TACR3: variants seen among roughly 807,000 people sequenced by gnomAD.
The protein encoded by TACR3 is neuromedin-K receptor.
In TACR3, 34 loss-of-function variants were observed where a neutral mutation model predicts 35.0. That is an observed-to-expected ratio of 0.97 (90% CI 0.74 to 1.30). TACR3 has a LOEUF of 1.30. Among genes scored for constraint, TACR3 ranks in the 50% most tolerant of loss-of-function variants. The pLI is 0.00. For synonymous variants in TACR3, 233 were observed against 221.1 expected, an observed-to-expected ratio of 1.05 and a Z score of -0.48; for missense variants, 558 against 591.7, an observed-to-expected ratio of 0.94 and a Z score of 0.59.
At chr4:103,628,250 G>GCAAA (rs552117826) in intron 3 of TACR3, among the ~76,000 whole-genome samples, 39 of 151,958 alleles carry the variant, frequency 2.6e-4, no homozygotes, top group African/African-American at 9.2e-4. Context: ...AGAAGCAAGA[G>GCAAA]CAAACACATT....
intron 3 of TACR3, among the ~76,000 whole-genome samples, chr4:103,602,868 C>G (rs1248388040): frequency 6.6e-6 from 1 of 152,248 alleles, no homozygotes; most frequent in Non-Finnish European, 1.5e-5. Context: ...TCTGCCCATT[C>G]TCAGATCTCA....
In TACR3 at chr4:103,622,586, A is replaced by C. The variant is rs368423357; in HGVS notation, c.889-30903T>G. ...CTCTACTAAAAATACAAAATTAGCC[A>C]GGCGTGGCAGCGTGTGCCTGTAGTC... On this transcript the variant is annotated intron_variant, in intron 3 of 4. Coordinates refer to ENST00000304883, the MANE Select transcript of TACR3 (RefSeq NM_001059.3). Among the ~76,000 whole-genome samples, 9 of 152,226 alleles carry C rather than the reference A, an allele frequency of 5.9e-5. No homozygotes were observed. The South Asian group carries it at 1.9e-3, about 32-fold the overall frequency.
In TACR3 at chr4:103,654,059, G is replaced by A. The variant is rs543563758; in HGVS notation, c.888+2135C>T. The stretch of plus-strand genomic sequence containing the variant: ...AAGTCAGGAAACAACAGGTGCTGGA[G>A]AGGATGTGGGGAAATAGGAACACTT... On this transcript the variant is annotated intron_variant, in intron 3 of 4. Transcript: ENST00000304883. Among the ~76,000 whole-genome samples the A allele has an allele frequency of 2.1e-5, 3 of 140,734 alleles. No homozygotes were observed. In the East Asian group the frequency reaches 6.0e-4, roughly 28 times the overall value. 92.3% of individuals were successfully genotyped at this position (140,734 alleles called of 152,430 possible).
At chr4:103,634,596 G>T (rs574327056) in intron 3 of TACR3, among the ~76,000 whole-genome samples, 6 of 152,052 alleles carry the variant, frequency 3.9e-5, no homozygotes, top group Non-Finnish European at 1.5e-5. Context: ...AAACTGTAAA[G>T]TACCTCTTGC....
At position 103,620,039 on chromosome 4, in the gene TACR3, TAAATC is replaced by T. The variant is rs370482733; in HGVS notation, c.889-28361_889-28357del. Among the ~76,000 whole-genome samples the T allele has an allele frequency of 6.9e-3, 1,041 of 151,124 alleles. 17 individuals are homozygous for T. Among genetic ancestry groups the T allele is most frequent in the African/African-American group, 0.024 (987 of 41,168 alleles). On this transcript the variant is annotated intron_variant, in intron 3 of 4. Transcript: ENST00000304883. ...TGATATCTGGAATCTATAGGGAACT[TAAATC>T]AACAAGCAAAAAAAAAAACCTTATT...
At chr4:103,615,031 A>G (rs960635166) in intron 3 of TACR3, among the ~76,000 whole-genome samples, 1 of 151,434 alleles carries the variant, frequency 6.6e-6, no homozygotes, top group South Asian at 2.1e-4. Context: ...AGTAACTGGG[A>G]CTACAGGCGC....
chr4:103,704,596 C>G (rs28438896), intron 1 of TACR3, among the ~76,000 whole-genome samples: 1 of 152,076 alleles, frequency 6.6e-6, no homozygotes, highest in Admixed American at 6.5e-5. Context: ...TCAGATCCCA[C>G]GAGAACTCAC....
chr4:103,699,060 A>C (rs1468342226), intron 1 of TACR3, among the ~76,000 whole-genome samples: 1 of 152,202 alleles, frequency 6.6e-6, no homozygotes, highest in South Asian at 2.1e-4. Flanking sequence ...TCTACTTATT[A>C]TTCATTCATT....
intron 1 of TACR3, among the ~76,000 whole-genome samples, chr4:103,705,050 G>C (rs1461116153): frequency 6.6e-6 from 1 of 151,824 alleles, no homozygotes; most frequent in Non-Finnish European, 1.5e-5. Context: ...GTTGTTTTCA[G>C]TTCTTTGCAT....
chr4:103,719,567 C>G lies in TACR3; in HGVS notation c.109G>C (p.Val37Leu), dbSNP rs754469289. The change falls in exon 1 of 5, where the codon GTT (valine) becomes CTT (leucine). Residue 37 changes from valine to leucine, a missense_variant. Physicochemically the swap from Val to Leu is conservative, Grantham distance 32. Transcript: ENST00000304883. ...AGCAGTTGCAGCCACCCAGTCTCAACTGCCCCCGTGGCCGCCCCGGCAGCT... is the reference window on the plus strand; with the variant it reads ...AGCAGTTGCAGCCACCCAGTCTCAAGTGCCCCCGTGGCCGCCCCGGCAGCT... The part of the protein sequence containing the change: ...SLAAGAATGA[V>L]ETGWLQLLDQ... 1 of 1,609,822 alleles carries G rather than the reference C, an allele frequency of 6.2e-7. No homozygotes were observed. Among genetic ancestry groups the G allele is most frequent in the Non-Finnish European group, 8.5e-7 (1 of 1,177,136 alleles).
chr4:103,599,116 C>T (rs939202875), intron 3 of TACR3, among the ~76,000 whole-genome samples: 3 of 152,174 alleles, frequency 2.0e-5, no homozygotes, highest in African/African-American at 4.8e-5. Flanking sequence ...TGTTTGTATC[C>T]TCTTTTATTT....
intron 3 of TACR3, among the ~76,000 whole-genome samples, chr4:103,644,836 G>T (rs1198099196): frequency 1.3e-5 from 2 of 151,596 alleles, no homozygotes; most frequent in African/African-American, 2.4e-5. Flanking sequence ...AATTATTAAG[G>T]AAAGATGCAT....
chr4:103,680,522 T>TATAC (rs1294402770), intron 1 of TACR3, among the ~76,000 whole-genome samples: 8 of 146,756 alleles, frequency 5.5e-5, no homozygotes, highest in African/African-American at 2.1e-4. Flanking sequence ...CATATATATA[T>TATAC]ACACATATAT....
chr4:103,635,391 G>C lies in TACR3; in HGVS notation c.888+20803C>G, dbSNP rs531000215. Among the ~76,000 whole-genome samples, 25 of 152,016 alleles carry C rather than the reference G, an allele frequency of 1.6e-4. No homozygotes were observed. In the South Asian group the frequency reaches 3.9e-3, roughly 24 times the overall value. On this transcript the variant is annotated intron_variant, in intron 3 of 4. Coordinates refer to ENST00000304883, the MANE Select transcript of TACR3 (RefSeq NM_001059.3). ...AAAGAAGAACTTTCATTTTTGAGGGGAGAGGTCTCCATGCTAAACTGAACT... is the reference window on the plus strand; with the variant it reads ...AAAGAAGAACTTTCATTTTTGAGGGCAGAGGTCTCCATGCTAAACTGAACT...
chr4:103,614,042 C>G (rs1009377918), intron 3 of TACR3, among the ~76,000 whole-genome samples: 2 of 152,092 alleles, frequency 1.3e-5, no homozygotes, highest in Admixed American at 6.5e-5. Flanking sequence ...TTTACACACA[C>G]GGTTATAATG....
chr4:103,625,224 A>G (rs1328576846), intron 3 of TACR3, among the ~76,000 whole-genome samples: 3 of 152,208 alleles, frequency 2.0e-5, no homozygotes, highest in Non-Finnish European at 4.4e-5. Flanking sequence ...ATAGGCAATG[A>G]TAAATGAAAA....
chr4:103,607,176 G>A (rs898747331), intron 3 of TACR3, among the ~76,000 whole-genome samples: 2 of 152,042 alleles, frequency 1.3e-5, no homozygotes, highest in East Asian at 1.9e-4. Flanking sequence ...ATTAGACTTA[G>A]CAAATCATAC....
intron 3 of TACR3, among the ~76,000 whole-genome samples, chr4:103,654,212 A>G (rs1195030198): frequency 3.3e-5 from 5 of 151,754 alleles, no homozygotes; most frequent in Non-Finnish European, 7.4e-5. Flanking sequence ...TACCCAAAGG[A>G]TTATAAATCA....
intron 2 of TACR3, among the ~76,000 whole-genome samples, 194 bp downstream of exon 2, chr4:103,658,021 A>G (rs1725766761): frequency 6.6e-6 from 1 of 152,156 alleles, no homozygotes; most frequent in South Asian, 2.1e-4. Flanking sequence ...TCCAATTAAA[A>G]ACCTTAGTAA....
Sources: gnomAD v4.1 joint callset for allele counts (sites outside exome capture counted in the v4.1 genomes callset) on GRCh38, gnomAD v4.1.1 for gene constraint, MANE v1.5 for transcripts, NCBI Gene and HGNC (gene_info 2026-07-23, HGNC 2026-07-21) for gene names.